Variants in RNF169 observed in about 807,000 individuals in gnomAD.
The protein encoded by RNF169 is E3 ubiquitin-protein ligase RNF169.
In RNF169, 24 loss-of-function variants were observed where a neutral mutation model predicts 53.9. That is an observed-to-expected ratio of 0.45 (90% CI 0.32 to 0.63). The LOEUF is 0.63. Ranked by LOEUF, RNF169 falls within the 20% of genes least tolerant of loss-of-function variation. The pLI is 0.04. For synonymous variants in RNF169, 396 were observed against 363.5 expected, an observed-to-expected ratio of 1.09 and a Z score of -1.02; for missense variants, 883 against 906.2, an observed-to-expected ratio of 0.97 and a Z score of 0.33.
Position 74,771,406 on chromosome 11 carries a change from T to C in RNF169, c.503-18220T>C, listed in dbSNP as rs114531638. On this transcript the variant is annotated intron_variant, in intron 1 of 5. Coordinates refer to ENST00000299563, the MANE Select transcript of RNF169 (RefSeq NM_001098638.2). ...ACAGACTTTGTTTTATGCACAAAACTATTTTAATTATTAACTGGTCGCTAT... is the reference window on the plus strand; with the variant it reads ...ACAGACTTTGTTTTATGCACAAAACCATTTTAATTATTAACTGGTCGCTAT... Among the ~76,000 whole-genome samples, 522 of 152,338 alleles carry C rather than the reference T, an allele frequency of 3.4e-3. 7 individuals carry two copies. The highest frequency in any genetic ancestry group is 0.01 in the African/African-American group (418 of 41,578).
chr11:74,836,579 T>C lies in RNF169; in HGVS notation c.1976T>C (p.Met659Thr). The C allele has an allele frequency of 1.2e-6, 2 of 1,613,984 alleles. No individual in the cohort carries two copies. The highest frequency in any genetic ancestry group is 1.7e-6 in the Non-Finnish European group (2 of 1,180,010). The change falls in exon 6 of 6, where the codon ATG becomes ACG. Residue 659 changes from methionine to threonine, a missense_variant. By Grantham distance (81) the Met-to-Thr change is moderately conservative (BLOSUM62 -1). Around this residue, in one of 3 missense-constraint regions of RNF169, gnomAD observed 351 missense variants for 337.3 expected, o/e 1.04. Coordinates refer to ENST00000299563, the MANE Select transcript of RNF169 (RefSeq NM_001098638.2). ...LAPTDPVLRE[M>T]EQKLQQEEED... ...CCAACAGACCCAGTCCTGCGAGAGA[T>C]GGAGCAGAAGCTTCAGCAAGAGGAA... is the stretch of plus-strand genomic sequence containing the variant.
At chr11:74,799,544 T>G (rs1221002955) in intron 2 of RNF169, among the ~76,000 whole-genome samples, 1 of 152,182 alleles carries the variant, frequency 6.6e-6, no homozygotes. Flanking sequence ...TTGTTTAGGG[T>G]CAGGATCAGT....
chr11:74,748,895 T>C lies in RNF169; in HGVS notation c.15T>C (p.Gly5=). The change falls in exon 1 of 6, where the codon GGT becomes GGC. Residue 5 remains glycine (G), a synonymous_variant. Transcript: ENST00000299563. The stretch of plus-strand genomic sequence containing the variant: ...CGGGAAACAAGATGGCGGCTGCAGG[T>C]CCGAGTACTCGGGCCTCTTCCGCGG... MAAA[G]PSTRASSAAA... is the part of the protein sequence containing the mutation. The C allele has an allele frequency of 2.1e-6, 3 of 1,434,478 alleles. No individual in the cohort carries two copies. The highest frequency in any genetic ancestry group is 2.8e-6 in the Non-Finnish European group (3 of 1,082,560). 88.9% of individuals were successfully genotyped at this position (1,434,478 alleles called of 1,614,324 possible).
At chr11:74,817,261 A>G (rs1304517280) in intron 3 of RNF169, among the ~76,000 whole-genome samples, 1 of 152,212 alleles carries the variant, frequency 6.6e-6, no homozygotes, top group African/African-American at 2.4e-5. Context: ...GGAGTGACAT[A>G]AACAGTAAAT....
At chr11:74,752,222 C>CT in intron 1 of RNF169, among the ~76,000 whole-genome samples, 1 of 95,478 alleles carries the variant, frequency 1.0e-5, no homozygotes, top group African/African-American at 4.5e-5. Context: ...CAGAGGGAGA[C>CT]TGTCTTAAAA....
At chr11:74,809,887 C>A (rs918580331) in intron 2 of RNF169, among the ~76,000 whole-genome samples, 23 of 152,204 alleles carry the variant, frequency 1.5e-4, no homozygotes, top group African/African-American at 5.1e-4. Context: ...TCAGGCTTAG[C>A]CCTTTTTGGC....
intron 2 of RNF169, among the ~76,000 whole-genome samples, chr11:74,791,340 C>G (rs529619698): frequency 3.3e-5 from 5 of 152,352 alleles, no homozygotes; most frequent in African/African-American, 1.2e-4. Flanking sequence ...AACTGGCAGC[C>G]CAGCCCCTGG....
At chr11:74,753,559 A>G (rs962311124) in intron 1 of RNF169, among the ~76,000 whole-genome samples, 10 of 152,226 alleles carry the variant, frequency 6.6e-5, no homozygotes, top group Non-Finnish European at 1.3e-4. Flanking sequence ...AAAAACAGCA[A>G]TTACTTTTGT....
intron 4 of RNF169, among the ~76,000 whole-genome samples, chr11:74,822,028 T>TGA (rs375488345): frequency 0.047 from 7,002 of 147,796 alleles, 156 homozygotes; most frequent in African/African-American, 0.061. Context: ...TGTGAGTGAG[T>TGA]GAGAGAGAGA....
chr11:74,771,319 T>G (rs552785196), intron 1 of RNF169, among the ~76,000 whole-genome samples: 4 of 152,296 alleles, frequency 2.6e-5, no homozygotes, highest in African/African-American at 9.6e-5. Context: ...GTGCCAAAAA[T>G]CTGAAACTAT....
At chr11:74,821,436 A>C (rs993971645) in intron 4 of RNF169, among the ~76,000 whole-genome samples, 1 of 126,062 alleles carries the variant, frequency 7.9e-6, no homozygotes. Context: ...AGGCGGGCGG[A>C]TCACGAGGTC....
At chr11:74,792,753 G>A (rs1277096074) in intron 2 of RNF169, among the ~76,000 whole-genome samples, 1 of 152,204 alleles carries the variant, frequency 6.6e-6, no homozygotes, top group African/African-American at 2.4e-5. Context: ...TTGAGGAACT[G>A]TCATTTGTGT....
At chr11:74,794,723 G>C (rs2035622966) in intron 2 of RNF169, among the ~76,000 whole-genome samples, 1 of 152,206 alleles carries the variant, frequency 6.6e-6, no homozygotes, top group Non-Finnish European at 1.5e-5. Flanking sequence ...TAAGTGCCAA[G>C]TTTTTCTGTG....
At position 74,793,507 on chromosome 11, in the gene RNF169, G is replaced by T. The variant is rs1485993046; in HGVS notation, c.576+3808G>T. Among the ~76,000 whole-genome samples the T allele has an allele frequency of 1.3e-5, 2 of 152,070 alleles. 1 individual carries two copies. The highest frequency in any genetic ancestry group is 4.2e-4 in the South Asian group (2 of 4,818). Reference sequence around the variant, plus strand: ...TCCTCTAATTCTAGTTCTTTTAAAAGGTATTACTTTATTTAAAAATCCTAG... The same window carrying T: ...TCCTCTAATTCTAGTTCTTTTAAAATGTATTACTTTATTTAAAAATCCTAG... On this transcript the variant is annotated intron_variant, in intron 2 of 5. Transcript: ENST00000299563.
At position 74,817,628 on chromosome 11, in the gene RNF169, A is replaced by T; in HGVS notation, c.756A>T (p.Glu252Asp). The T allele has an allele frequency of 6.2e-7, 1 of 1,613,830 alleles. No homozygotes were observed. Residue 252 changes from glutamate (E) to aspartate (D), a missense_variant, in exon 4 of 6, where the codon GAA becomes GAT. This residue lies in a region of RNF169 where 219 missense variants were observed against 289.1 expected (regional missense o/e 0.76). Coordinates refer to ENST00000299563, the MANE Select transcript of RNF169 (RefSeq NM_001098638.2). ...CPARLSDSEN[E>D]EPSRGQMTQT... ...CACGTCTCTCAGATTCAGAGAATGAAGAACCTTCTCGAGGCCAGATGACAC... is the reference window on the plus strand; with the variant it reads ...CACGTCTCTCAGATTCAGAGAATGATGAACCTTCTCGAGGCCAGATGACAC...
chr11:74,761,924 A>G, intron 1 of RNF169, among the ~76,000 whole-genome samples: 1 of 149,542 alleles, frequency 6.7e-6, no homozygotes, highest in African/African-American at 2.5e-5. Flanking sequence ...CATTCTCCCC[A>G]TCACTTTCAG....
At chr11:74,774,487 A>G (rs778950968) in intron 1 of RNF169, among the ~76,000 whole-genome samples, 43 of 152,198 alleles carry the variant, frequency 2.8e-4, no homozygotes, top group Non-Finnish European at 4.9e-4. Context: ...CTAAGTAAAG[A>G]TTCTGTTTGT....
chr11:74,754,047 G>T (rs186004511), intron 1 of RNF169, among the ~76,000 whole-genome samples: 248 of 152,224 alleles, frequency 1.6e-3, no homozygotes, highest in Middle Eastern at 0.014. Context: ...TCTGCAACTC[G>T]TATATATTGA....
intron 4 of RNF169, among the ~76,000 whole-genome samples, chr11:74,820,585 A>G (rs2035996401): frequency 6.6e-6 from 1 of 152,184 alleles, no homozygotes; most frequent in Admixed American, 6.5e-5. Flanking sequence ...GAGTTGAAAC[A>G]GCAAGGCTTG....
Sources: gnomAD v4.1 joint callset for allele counts (sites outside exome capture counted in the v4.1 genomes callset) on GRCh38, gnomAD v4.1.1 for gene constraint, gnomAD v4.1.1 regional missense constraint, MANE v1.5 for transcripts, NCBI Gene and HGNC (gene_info 2026-07-23, HGNC 2026-07-21) for gene names.